SLC35B4: variants seen among roughly 807,000 people sequenced by gnomAD.
SLC35B4 encodes the protein solute carrier family 35 member B4, also known as nucleotide sugar transporter SLC35B4.
SLC35B4 carries 28 observed loss-of-function variants against 39.5 expected under a neutral mutation model. The observed-to-expected ratio is 0.71, with a 90% confidence interval of 0.53 to 0.97. The LOEUF (loss-of-function observed/expected upper bound fraction) is 0.97, where lower values mean the gene tolerates loss of function less well. SLC35B4 is among the 50% of genes least tolerant of loss of function. The pLI, the probability that SLC35B4 is intolerant of heterozygous loss-of-function variation, is 0.00. For synonymous variants in SLC35B4, 145 were observed against 150.4 expected (o/e 0.96, Z 0.26); for missense variants, 334 against 414.3 (o/e 0.81, Z 1.68).
At chr7:134,295,209 T>G (rs1803434869) in intron 9 of SLC35B4, 130 bp from the exon 10 acceptor site, 6 of 1,205,502 alleles carry the variant, frequency 5.0e-6, no homozygotes, top group Non-Finnish European at 5.8e-6. Context: ...ACGGCAGCTC[T>G]GAGGCTCCTC....
In SLC35B4 at chr7:134,294,763, G is replaced by A; in HGVS notation, c.*70C>T. The stretch of plus-strand genomic sequence containing the variant: ...CGGGTAGCTCGGCATTAACAAAAGC[G>A]AAACGGTGGTCAGACCTTCACAGGG... On this transcript the variant is annotated 3_prime_UTR_variant, in exon 10 of 10. Transcript: ENST00000378509. 3.2e-6 allele frequency: 5 copies of A among 1,576,368 alleles called. No individual in the cohort carries two copies. The highest frequency in any genetic ancestry group is 2.3e-5 in the East Asian group (1 of 44,310).
chr7:134,309,498 AAG>A lies in SLC35B4; in HGVS notation c.78-21_78-20del, dbSNP rs147902962. The A allele has an allele frequency of 3.8e-3, 5,972 of 1,572,500 alleles. 235 individuals carry two copies. In the African/African-American group the frequency reaches 0.072, roughly 19 times the overall value. On this transcript the variant is annotated intron_variant, in intron 1 of 9. Coordinates refer to ENST00000378509, the MANE Select transcript of SLC35B4 (RefSeq NM_032826.5). ...ATGCTTCCTGTATAGTGAATAATAA[AAG>A]AGGGGGTGAAGGCACAAAAACTGAG... is the stretch of plus-strand genomic sequence containing the variant.
chr7:134,299,405 C>G, intron 8 of SLC35B4, 118 bp downstream of exon 8: 4 of 661,580 alleles, frequency 6.0e-6, no homozygotes, highest in Non-Finnish European at 9.7e-6. Flanking sequence ...GAGACATTTT[C>G]GAAAGGAACA....
In SLC35B4 at chr7:134,291,991, G is replaced by C. The variant is rs1452534574; in HGVS notation, c.*2842C>G. 1 of 152,644 alleles carries C rather than the reference G, an allele frequency of 6.6e-6. No individual in the cohort carries two copies. The highest frequency in any genetic ancestry group is 1.9e-4 in the East Asian group (1 of 5,188). 9.5% of individuals were successfully genotyped at this position (152,644 alleles called of 1,614,324 possible). ...ACACACACACTGTATTTTCTGGCTA[G>C]TGTCCTTTGCTATTTGATTTTTGCT... is the stretch of plus-strand genomic sequence containing the variant. On this transcript the variant is annotated 3_prime_UTR_variant, in exon 10 of 10. Coordinates refer to ENST00000378509, the MANE Select transcript of SLC35B4 (RefSeq NM_032826.5).
Position 134,316,794 on chromosome 7 carries a change from C to G in SLC35B4, c.-43G>C. On this transcript the variant is annotated 5_prime_UTR_variant, in exon 1 of 10. Transcript: ENST00000378509. ...GGAAGCAAGCGCACAGAGTAAGCGC[C>G]CGCCTGTACCGCTACCCCAGGAAGC... 6.5e-7 allele frequency: 1 copy of G among 1,529,592 alleles called. No homozygotes were observed. The highest frequency in any genetic ancestry group is 1.4e-5 in the African/African-American group (1 of 72,834). The allele number at this position is 1,529,592 out of a possible 1,614,324, so 94.8% of individuals were successfully genotyped here.
chr7:134,306,469 G>A (rs1803711529), intron 3 of SLC35B4, among the ~76,000 whole-genome samples: 1 of 151,852 alleles, frequency 6.6e-6, no homozygotes, highest in South Asian at 2.1e-4. Context: ...TTAGACCTCA[G>A]AAGAATAAAA....
At chr7:134,301,030 T>A (rs1030550658) in intron 6 of SLC35B4, among the ~76,000 whole-genome samples, 3 of 152,206 alleles carry the variant, frequency 2.0e-5, no homozygotes, top group African/African-American at 7.2e-5. Context: ...TTTGCAAATT[T>A]TTCTTCTGGA....
At chr7:134,316,965 A>T, upstream of SLC35B4, 1 of 566,032 alleles carries the variant, frequency 1.8e-6, no homozygotes. Flanking sequence ...GGTCCCATTC[A>T]TCCGAGGGGG....
chr7:134,316,003 G>C (rs368930719), intron 1 of SLC35B4, among the ~76,000 whole-genome samples: 10 of 121,536 alleles, frequency 8.2e-5, no homozygotes, highest in Admixed American at 8.3e-5. Flanking sequence ...TTTTTTTTTT[G>C]TCTTTTTGCA....
At chr7:134,301,874 G>A (rs1203939651) in intron 5 of SLC35B4, 53 bp from the exon 6 acceptor site, 4 of 1,555,798 alleles carry the variant, frequency 2.6e-6, no homozygotes, top group African/African-American at 1.4e-5. Context: ...CGTGCAAGGT[G>A]CCGACATACA....
chr7:134,313,774 T>C (rs1803904966), intron 1 of SLC35B4, among the ~76,000 whole-genome samples: 1 of 152,236 alleles, frequency 6.6e-6, no homozygotes, highest in Non-Finnish European at 1.5e-5. Flanking sequence ...AAAAGCACAG[T>C]TCCTAGGCTA....
chr7:134,317,265 A>G (rs1563221340), upstream of SLC35B4, among the ~76,000 whole-genome samples: 1 of 152,152 alleles, frequency 6.6e-6, no homozygotes, highest in Non-Finnish European at 1.5e-5. Context: ...TGCTCGTTGG[A>G]GGTGTTCTAG....
chr7:134,295,991 G>A (rs1162482488), intron 9 of SLC35B4, among the ~76,000 whole-genome samples: 1 of 152,054 alleles, frequency 6.6e-6, no homozygotes, highest in Non-Finnish European at 1.5e-5. Flanking sequence ...CATCATGCCT[G>A]GCTTACTTTT....
rs1354522077 is a variant in SLC35B4, at chr7:134,296,414, G to A, written c.726C>T (p.Tyr242=). The A allele has an allele frequency of 8.7e-6, 14 of 1,613,992 alleles. No homozygotes were observed. The South Asian group carries it at 1.4e-4, about 16-fold the overall frequency. ...ACTGAGTGATGATGTTCATGAGGAGGTAGAACCACATGATGGGCAGGGTCA... is the reference window on the plus strand; with the variant it reads ...ACTGAGTGATGATGTTCATGAGGAGATAGAACCACATGATGGGCAGGGTCA... ...IGVTLPIMWF[Y]LLMNIITQYV... Residue 242 remains tyrosine, a synonymous_variant, in exon 9 of 10, where the codon TAC becomes TAT. Transcript: ENST00000378509.
chr7:134,301,482 A>G (rs2244548), intron 6 of SLC35B4, among the ~76,000 whole-genome samples: 76,695 of 152,088 alleles, frequency 0.5, 19,886 homozygotes, highest in African/African-American at 0.6. Context: ...CATTCAAAGG[A>G]TGTGATGTGC....
Position 134,289,484 on chromosome 7 carries a change from C to G in SLC35B4, c.*5349G>C, listed in dbSNP as rs1803289618. ...GTCTTGTAGCTGTTCTACGTACTCT[C>G]AGCTTTCTACTCCCTCCTCCCCCAT... On this transcript the variant is annotated 3_prime_UTR_variant, in exon 10 of 10. Transcript: ENST00000378509. 1 of 152,650 alleles carries G rather than the reference C, an allele frequency of 6.6e-6. No individual in the cohort carries two copies. Among genetic ancestry groups the G allele is most frequent in the African/African-American group, 2.4e-5 (1 of 41,444 alleles). 9.5% of individuals were successfully genotyped at this position (152,650 alleles called of 1,614,324 possible). A position where few individuals can be genotyped will look rare whatever the true frequency, so the allele number is the denominator to read the frequency against.
chr7:134,310,538 G>A (rs996990929), intron 1 of SLC35B4, among the ~76,000 whole-genome samples: 1 of 149,924 alleles, frequency 6.7e-6, no homozygotes, highest in Admixed American at 6.6e-5. Context: ...CGTATTCTGT[G>A]TTTTCATCTT....
intron 2 of SLC35B4, among the ~76,000 whole-genome samples, chr7:134,309,111 A>G (rs1208954034): frequency 6.6e-6 from 1 of 152,186 alleles, no homozygotes; most frequent in Non-Finnish European, 1.5e-5. Context: ...CTAATCCTAT[A>G]CTAAATAAGA....
chr7:134,297,345 G>A (rs1803490446), intron 8 of SLC35B4, among the ~76,000 whole-genome samples: 1 of 152,060 alleles, frequency 6.6e-6, no homozygotes, highest in South Asian at 2.1e-4. Context: ...CCTTATTAAG[G>A]GTCTATAAAA....
Sources: allele counts gnomAD v4.1 joint callset (sites outside exome capture counted in the v4.1 genomes callset), GRCh38; gene constraint gnomAD v4.1.1; transcripts MANE v1.5; gene names NCBI Gene and HGNC (gene_info 2026-07-23, HGNC 2026-07-21).